AGMO: variants seen among roughly 807,000 people sequenced by gnomAD.
The protein encoded by AGMO is glyceryl-ether monooxygenase.
AGMO carries 75 observed loss-of-function variants against 60.2 expected under a neutral mutation model. The observed-to-expected ratio is 1.25, with a 90% confidence interval of 1.03 to 1.51. AGMO has a LOEUF of 1.51. AGMO is among the 40% of genes most tolerant of loss of function. AGMO has a pLI of 0.00. For synonymous variants in AGMO, 261 were observed against 177.1 expected (o/e 1.47, Z -3.76); for missense variants, 763 against 525.5 (o/e 1.45, Z -4.42).
intron 3 of AGMO, among the ~76,000 whole-genome samples, chr7:15,433,789 TATA>T (rs1214762833): frequency 1.3e-5 from 2 of 151,714 alleles, no homozygotes; most frequent in South Asian, 2.1e-4. Context: ...TATATGTTAT[TATA>T]ATTTTTCCAT....
chr7:15,449,280 AAAT>A (rs1781792382), intron 3 of AGMO, among the ~76,000 whole-genome samples: 1 of 152,108 alleles, frequency 6.6e-6, no homozygotes, highest in South Asian at 2.1e-4. Context: ...CTGAATGTTA[AAAT>A]AATAATTCCC....
chr7:15,441,415 A>T (rs1460841872), intron 3 of AGMO, among the ~76,000 whole-genome samples: 4 of 152,246 alleles, frequency 2.6e-5, no homozygotes, highest in South Asian at 4.1e-4. Flanking sequence ...CAGCACTAAC[A>T]TTAACACCGT....
intron 3 of AGMO, among the ~76,000 whole-genome samples, chr7:15,515,076 A>T (rs1045783144): frequency 3.3e-5 from 5 of 152,196 alleles, no homozygotes; most frequent in African/African-American, 1.2e-4. Context: ...GAGGAAGTTA[A>T]ACCCTAGAGA....
intron 3 of AGMO, among the ~76,000 whole-genome samples, chr7:15,520,477 AT>A (rs1443448612): frequency 6.6e-6 from 1 of 152,214 alleles, no homozygotes; most frequent in African/African-American, 2.4e-5. Context: ...ATCCAAAAGA[AT>A]GGAAATCATA....
chr7:15,268,313 A>G (rs970591236), intron 12 of AGMO, among the ~76,000 whole-genome samples: 1 of 151,954 alleles, frequency 6.6e-6, no homozygotes, highest in Non-Finnish European at 1.5e-5. Flanking sequence ...TCTCAAGATC[A>G]TTTATTTCAA....
chr7:15,299,830 T>TACACACACAC lies in AGMO; in HGVS notation c.1263+65674_1263+65683dup, dbSNP rs756832586. Among the ~76,000 whole-genome samples, 83 of 48,184 alleles carry TACACACACAC rather than the reference T, an allele frequency of 1.7e-3. 1 individual carries two copies. The highest frequency in any genetic ancestry group is 8.1e-3 in the African/African-American group (56 of 6,888). The allele number at this position is 48,184 out of a possible 152,430, so 31.6% of individuals were successfully genotyped here. A position where few individuals can be genotyped will look rare whatever the true frequency, so the allele number is the denominator to read the frequency against. On this transcript the variant is annotated intron_variant, in intron 12 of 12. Transcript: ENST00000342526. ...GAGACAGAGCAAGACTCTGTCTACA[T>TACACACACAC]ACACACACACACACACACACACACA... is the stretch of plus-strand genomic sequence containing the variant.
At chr7:15,282,773 C>A (rs1030671919) in intron 12 of AGMO, among the ~76,000 whole-genome samples, 3 of 152,018 alleles carry the variant, frequency 2.0e-5, no homozygotes, top group Non-Finnish European at 4.4e-5. Flanking sequence ...AAGGACATCA[C>A]CGAAGCATAT....
Position 15,253,281 on chromosome 7 carries a change from G to A in AGMO, c.1264-51922C>T, listed in dbSNP as rs781435401. ...TGTGCATTTCAGAACTTAAGAGGTA[G>A]CTATTTATGGAGATGCTAATGTTGG... On this transcript the variant is annotated intron_variant, in intron 12 of 12. Coordinates refer to ENST00000342526, the MANE Select transcript of AGMO (RefSeq NM_001004320.2). 2.0e-5 allele frequency among the ~76,000 whole-genome samples: 3 copies of A among 152,228 alleles called. 1 individual carries two copies. In the South Asian group the frequency reaches 6.2e-4, roughly 32 times the overall value.
At chr7:15,263,357 T>C (rs889656940) in intron 12 of AGMO, among the ~76,000 whole-genome samples, 4 of 151,796 alleles carry the variant, frequency 2.6e-5, no homozygotes, top group Admixed American at 6.6e-5. Flanking sequence ...AAGAGGGAAA[T>C]GCAAACCAAA....
chr7:15,228,645 T>C (rs1268922099), intron 12 of AGMO, among the ~76,000 whole-genome samples: 1 of 152,068 alleles, frequency 6.6e-6, no homozygotes, highest in African/African-American at 2.4e-5. Flanking sequence ...TAAAGTAAAA[T>C]AAGTAAAATA....
chr7:15,485,427 T>C (rs1782891722), intron 3 of AGMO, among the ~76,000 whole-genome samples: 1 of 152,144 alleles, frequency 6.6e-6, no homozygotes, highest in Non-Finnish European at 1.5e-5. Flanking sequence ...GTTCAGAAGA[T>C]GGAAACAAAG....
intron 3 of AGMO, among the ~76,000 whole-genome samples, chr7:15,530,460 T>C (rs1784276627): frequency 8.3e-6 from 1 of 120,150 alleles, no homozygotes; most frequent in Non-Finnish European, 1.6e-5. Context: ...CGTATTTCTA[T>C]ATATATATTC....
chr7:15,380,444 A>C (rs1783632228), intron 10 of AGMO, among the ~76,000 whole-genome samples: 1 of 152,154 alleles, frequency 6.6e-6, no homozygotes, highest in South Asian at 2.1e-4. Context: ...CTAGTGATAC[A>C]GATAACCAGG....
chr7:15,191,292 T>C, the AGMO span, among the ~76,000 whole-genome samples: 2 of 152,180 alleles, frequency 1.3e-5, no homozygotes, highest in Non-Finnish European at 2.9e-5. Flanking sequence ...TTGCTAAATG[T>C]GGGAAAATAT....
the AGMO span, among the ~76,000 whole-genome samples, chr7:15,191,732 A>G: frequency 1.3e-5 from 2 of 152,164 alleles, no homozygotes; most frequent in Non-Finnish European, 2.9e-5. Flanking sequence ...TTTTTAAGGC[A>G]CTAAGTCATT....
At chr7:15,256,633 A>C (rs765740159) in intron 12 of AGMO, among the ~76,000 whole-genome samples, 1 of 152,198 alleles carries the variant, frequency 6.6e-6, no homozygotes, top group African/African-American at 2.4e-5. Context: ...AAGTGCTGGG[A>C]TCGCAGGCGC....
At chr7:15,359,612 G>A (rs1782677438) in intron 12 of AGMO, among the ~76,000 whole-genome samples, 1 of 152,192 alleles carries the variant, frequency 6.6e-6, no homozygotes, top group African/African-American at 2.4e-5. Context: ...AACTCAGTTA[G>A]AAGCAAAGTT....
At chr7:15,196,535 C>G (rs1371494692), downstream of AGMO, among the ~76,000 whole-genome samples, 3 of 152,170 alleles carry the variant, frequency 2.0e-5, no homozygotes, top group African/African-American at 7.2e-5. Context: ...ACAGGAGGGA[C>G]AAGAGAAGTT....
chr7:15,505,830 T>A (rs1783499775), intron 3 of AGMO, among the ~76,000 whole-genome samples: 2 of 152,062 alleles, frequency 1.3e-5, no homozygotes, highest in African/African-American at 4.8e-5. Flanking sequence ...TGTATTTCTG[T>A]TTTTAAGAAA....
Sources: gnomAD v4.1 joint callset for allele counts (sites outside exome capture counted in the v4.1 genomes callset) on GRCh38, gnomAD v4.1.1 for gene constraint, MANE v1.5 for transcripts, NCBI Gene and HGNC (gene_info 2026-07-23, HGNC 2026-07-21) for gene names.